HSPA9: variants seen among roughly 807,000 people sequenced by gnomAD.
HSPA9 encodes the protein stress-70 protein, mitochondrial.
Under a neutral mutation model 81.5 loss-of-function variants are expected in HSPA9, and 28 were observed. That is an observed-to-expected ratio of 0.34 (90% CI 0.25 to 0.47). The LOEUF (loss-of-function observed/expected upper bound fraction) is 0.47. HSPA9 is among the 20% of genes least tolerant of loss of function. The pLI, the probability that HSPA9 is intolerant of heterozygous loss-of-function variation, is 1.00. For synonymous variants in HSPA9, 293 were observed against 290.4 expected (o/e 1.01, Z -0.09); for missense variants, 678 against 838.0 (o/e 0.81, Z 2.36).
intron 9 of HSPA9, among the ~76,000 whole-genome samples, chr5:138,562,655 A>G (rs1052691731): frequency 3.9e-5 from 6 of 152,238 alleles, no homozygotes; most frequent in Admixed American, 1.3e-4. Context: ...TAAGCAGGAA[A>G]AAAATCCCCA....
At chr5:138,569,731 GAC>G (rs1750837573) in intron 4 of HSPA9, among the ~76,000 whole-genome samples, 2 of 151,888 alleles carry the variant, frequency 1.3e-5, no homozygotes, top group Non-Finnish European at 2.9e-5. Context: ...TATATATATA[GAC>G]AGAGACACAC....
At chr5:138,574,875 A>C in intron 1 of HSPA9, 1 of 326,050 alleles carries the variant, frequency 3.1e-6, no homozygotes, top group Non-Finnish European at 5.7e-6. Context: ...CACACTCTGT[A>C]TTCTGTAGAG....
intron 15 of HSPA9, 30 bp downstream of exon 15, chr5:138,556,744 C>A: frequency 6.3e-7 from 1 of 1,582,278 alleles, no homozygotes. Flanking sequence ...ATGTGTTCAA[C>A]CTCTTGAGTT....
chr5:138,562,876 T>A (rs376567960), intron 9 of HSPA9, among the ~76,000 whole-genome samples: 1 of 152,232 alleles, frequency 6.6e-6, no homozygotes, highest in Non-Finnish European at 1.5e-5. Context: ...CTCTCATTAA[T>A]GTATGAGGAC....
At chr5:138,563,876 A>C (rs1750708040) in intron 9 of HSPA9, among the ~76,000 whole-genome samples, 1 of 152,252 alleles carries the variant, frequency 6.6e-6, no homozygotes, top group African/African-American at 2.4e-5. Context: ...AGGTTGGACA[A>C]GCCTGCTCTA....
chr5:138,558,174 C>T (rs1392052251), intron 12 of HSPA9, among the ~76,000 whole-genome samples, 188 bp from the exon 13 acceptor site: 6 of 152,284 alleles, frequency 3.9e-5, no homozygotes, highest in African/African-American at 7.2e-5. Flanking sequence ...TGGTTTTATA[C>T]CAGTGAAGTT....
chr5:138,556,990 A>G (rs1197701875), intron 14 of HSPA9, 124 bp from the exon 15 acceptor site: 1 of 758,130 alleles, frequency 1.3e-6, no homozygotes, highest in Non-Finnish European at 2.3e-6. Flanking sequence ...AAGAGGGAGA[A>G]ATCAGAGTGG....
intron 11 of HSPA9, chr5:138,558,875 A>G (rs112985955): frequency 7.9e-6 from 4 of 509,390 alleles, no homozygotes; most frequent in African/African-American, 5.8e-5. Flanking sequence ...AATGCATTGT[A>G]CAAAGACGCA....
At position 138,556,051 on chromosome 5, in the gene HSPA9, C is replaced by T; in HGVS notation, c.2026G>A (p.Glu676Lys). The T allele has an allele frequency of 6.2e-7, 1 of 1,612,506 alleles. No individual in the cohort carries two copies. Among genetic ancestry groups the T allele is most frequent in the Non-Finnish European group, 8.5e-7 (1 of 1,178,806 alleles). ...TTCTGCTATTATTACTGTTTTTCCT[C>T]CTTTTGATCTTCCTTTTGTTCCCCA... Reference protein sequence around the residue: ...GTGEQKEDQKEEKQ With the variant: ...GTGEQKEDQKKEKQ The change falls in exon 17 of 17, where the codon GAG becomes AAG. Residue 676 changes from glutamate (E) to lysine (K), a missense_variant. Around this residue, in one of 4 missense-constraint regions of HSPA9, gnomAD observed 100 missense variants for 99.5 expected, o/e 1.00. Coordinates refer to ENST00000297185, the MANE Select transcript of HSPA9 (RefSeq NM_004134.7).
At chr5:138,558,488 G>C (rs1285417249) in intron 12 of HSPA9, 65 bp downstream of exon 12, 2 of 1,072,414 alleles carry the variant, frequency 1.9e-6, no homozygotes, top group Non-Finnish European at 2.9e-6. Context: ...ATATTTTTAT[G>C]GCTTAGAATA....
At chr5:138,557,176 CA>C in intron 14 of HSPA9, 1 of 614,064 alleles carries the variant, frequency 1.6e-6, no homozygotes, top group South Asian at 2.0e-5. Flanking sequence ...ATGACATGTC[CA>C]AACTCTCCCA....
chr5:138,569,766 G>T (rs1750838433), intron 4 of HSPA9, among the ~76,000 whole-genome samples: 1 of 152,126 alleles, frequency 6.6e-6, no homozygotes, highest in Non-Finnish European at 1.5e-5. Context: ...TGTTGGCCTA[G>T]ATGGTCTTAA....
At chr5:138,564,965 G>A (rs914195238) in intron 9 of HSPA9, among the ~76,000 whole-genome samples, 1 of 152,104 alleles carries the variant, frequency 6.6e-6, no homozygotes, top group Non-Finnish European at 1.5e-5. Context: ...CTAGTTTAAC[G>A]TTTACTAATC....
rs200897128 is a variant in HSPA9, at chr5:138,557,444, A to T, written c.1686T>A (p.Val562=). ...CTTCAGCATATTTCTCTGCATTTTT[A>T]ACCATATTTTCAATATCATCTTTGC... is the stretch of plus-strand genomic sequence containing the variant. ...GLSKDDIENM[V]KNAEKYAEED... The change falls in exon 14 of 17, where the codon GTT becomes GTA. Residue 562 remains valine, a synonymous_variant. Transcript: ENST00000297185. 44 of 1,611,234 alleles carry T rather than the reference A, an allele frequency of 2.7e-5. No homozygotes were observed. The highest frequency in any genetic ancestry group is 2.5e-6 in the Non-Finnish European group (3 of 1,177,944).
chr5:138,561,237 C>A (rs1180807273), intron 10 of HSPA9: 4 of 367,204 alleles, frequency 1.1e-5, no homozygotes, highest in Admixed American at 6.7e-5. Flanking sequence ...CCTAAAAATT[C>A]TATGACTGAG....
intron 2 of HSPA9, 65 bp downstream of exon 2, chr5:138,574,003 T>C: frequency 1.5e-6 from 2 of 1,359,498 alleles, no homozygotes; most frequent in Non-Finnish European, 1.1e-6. Flanking sequence ...TAATCACAAA[T>C]GTAGAAAACA....
chr5:138,558,040 T>C lies in HSPA9; in HGVS notation c.1516-54A>G, dbSNP rs547077078. On this transcript the variant is annotated intron_variant, in intron 12 of 16. Coordinates refer to ENST00000297185, the MANE Select transcript of HSPA9 (RefSeq NM_004134.7). ...CCTCTTACAGAGGGGTCCAGTGCTA[T>C]TATTTCCAAATCTATATGGTTTTCT... 1.3e-5 allele frequency: 15 copies of C among 1,119,794 alleles called. No homozygotes were observed. In the East Asian group the frequency reaches 2.6e-4, roughly 19 times the overall value. The allele number at this position is 1,119,794 out of a possible 1,614,324, so 69.4% of individuals were successfully genotyped here.
chr5:138,562,085 T>C (rs1423945455), intron 9 of HSPA9, among the ~76,000 whole-genome samples: 1 of 151,536 alleles, frequency 6.6e-6, no homozygotes, highest in Non-Finnish European at 1.5e-5. Context: ...ACTACAGGCA[T>C]GTGCCACCAT....
intron 10 of HSPA9, 50 bp downstream of exon 10, chr5:138,561,530 C>T (rs372912388): frequency 1.4e-6 from 2 of 1,480,184 alleles, no homozygotes; most frequent in Non-Finnish European, 1.9e-6. Context: ...CCCAAGAATA[C>T]ACTATGCGCC....
Sources: allele counts gnomAD v4.1 joint callset (sites outside exome capture counted in the v4.1 genomes callset), GRCh38; gene constraint gnomAD v4.1.1; regional missense constraint gnomAD v4.1.1; transcripts MANE v1.5; gene names NCBI Gene and HGNC (gene_info 2026-07-23, HGNC 2026-07-21).